Variants in SLC12A7 observed in about 807,000 individuals in gnomAD.
SLC12A7 encodes the protein K-Cl cotransporter 4.
A neutral mutation model predicts 120.6 loss-of-function variants in SLC12A7; 100 were observed. That is an observed-to-expected ratio of 0.83 (90% CI 0.71 to 0.98). The LOEUF (loss-of-function observed/expected upper bound fraction) is 0.98. Among genes scored for constraint, SLC12A7 ranks in the 50% least tolerant of loss-of-function variants. The pLI is 0.00. For synonymous variants in SLC12A7, 760 were observed against 678.0 expected (o/e 1.12, Z -1.88); for missense variants, 1,373 against 1,548.1 (o/e 0.89, Z 1.90).
In SLC12A7 at chr5:1,078,706, T is replaced by C. The variant is rs1200732301; in HGVS notation, c.1449A>G (p.Arg483=). 1.2e-6 allele frequency: 2 copies of C among 1,611,986 alleles called. No individual in the cohort carries two copies. The highest frequency in any genetic ancestry group is 1.7e-6 in the Non-Finnish European group (2 of 1,179,544). ...AACTGCAGGTGGAAACGTACTTATC[T>C]CGTAAGACCACGCCTTCAATGCAGG... ...FGACIEGVVL[R]DKFGEALQGN... is the part of the protein sequence containing the mutation. The change falls in exon 11 of 24, where the codon CGA becomes CGG. Residue 483 remains arginine, a synonymous_variant. Coordinates refer to ENST00000264930, the MANE Select transcript of SLC12A7 (RefSeq NM_006598.3).
In SLC12A7 at chr5:1,050,982, C is replaced by A. The variant is rs1272220016; in HGVS notation, c.*1378G>T. On this transcript the variant is annotated 3_prime_UTR_variant, in exon 24 of 24. Coordinates refer to ENST00000264930, the MANE Select transcript of SLC12A7 (RefSeq NM_006598.3). ...TAGCCCAAGGCCTGGCCATCTGGGG[C>A]CTCTAGTATATAGAAGCAACCTCTT... is the stretch of plus-strand genomic sequence containing the variant. The A allele has an allele frequency of 7.5e-6, 3 of 398,518 alleles. No homozygotes were observed. Among genetic ancestry groups the A allele is most frequent in the African/African-American group, 4.1e-5 (2 of 48,632 alleles). 24.7% of individuals were successfully genotyped at this position (398,518 alleles called of 1,614,324 possible).
the SLC12A7 span, among the ~76,000 whole-genome samples, chr5:1,136,394 T>G: frequency 1.5e-5 from 2 of 135,190 alleles, no homozygotes; most frequent in Non-Finnish European, 3.1e-5. Flanking sequence ...ACACGTGTGC[T>G]CAGACACCAA....
intron 21 of SLC12A7, among the ~76,000 whole-genome samples, chr5:1,058,442 T>C (rs10057983): frequency 0.94 from 143,001 of 152,316 alleles, 67,798 homozygotes; most frequent in East Asian, 1. Flanking sequence ...ATGCACACAC[T>C]GGAATGGCCA....
At chr5:1,141,711 G>A in the SLC12A7 span, among the ~76,000 whole-genome samples, 73 of 152,316 alleles carry the variant, frequency 4.8e-4, no homozygotes, top group African/African-American at 1.4e-3. Flanking sequence ...CTCAAGTGCC[G>A]ATAGCCACAT....
intron 3 of SLC12A7, among the ~76,000 whole-genome samples, chr5:1,091,796 G>A (rs576410543): frequency 2.6e-4 from 40 of 152,054 alleles, no homozygotes; most frequent in African/African-American, 8.7e-4. Context: ...GCTGAGCCCG[G>A]CAATGCCCAG....
At chr5:1,066,809 G>A (rs145274912) in intron 17 of SLC12A7, among the ~76,000 whole-genome samples, 5 of 152,250 alleles carry the variant, frequency 3.3e-5, no homozygotes, top group Admixed American at 2.6e-4. Context: ...GGATCCTCCC[G>A]GGAGACTCTG....
chr5:1,084,115 G>C (rs1182070409), intron 7 of SLC12A7, among the ~76,000 whole-genome samples, 159 bp from the exon 8 acceptor site: 2 of 152,094 alleles, frequency 1.3e-5, no homozygotes, highest in Admixed American at 6.5e-5. Flanking sequence ...GCCAGGGACC[G>C]GGCCCAGGCC....
At chr5:1,152,930 G>A in the SLC12A7 span, among the ~76,000 whole-genome samples, 1 of 152,232 alleles carries the variant, frequency 6.6e-6, no homozygotes, top group African/African-American at 2.4e-5. Flanking sequence ...CAAATGGCCC[G>A]CCTGGCATGC....
upstream of SLC12A7, among the ~76,000 whole-genome samples, chr5:1,116,714 T>G (rs1034331127): frequency 1.3e-5 from 2 of 152,164 alleles, no homozygotes; most frequent in Non-Finnish European, 2.9e-5. Context: ...ACTCAGAATC[T>G]CACACGGACG....
the SLC12A7 span, among the ~76,000 whole-genome samples, chr5:1,118,847 T>C: frequency 6.6e-6 from 1 of 152,144 alleles, no homozygotes. Flanking sequence ...CTTCCAAGGC[T>C]GTGGGAGGTG....
chr5:1,109,555 G>C (rs1349761902), intron 1 of SLC12A7, among the ~76,000 whole-genome samples: 1 of 152,246 alleles, frequency 6.6e-6, no homozygotes, highest in Non-Finnish European at 1.5e-5. Context: ...AGAAGCAGCA[G>C]GGAAGCTGCA....
intron 16 of SLC12A7, among the ~76,000 whole-genome samples, chr5:1,074,217 CCT>C (rs1255947667): frequency 2.6e-5 from 4 of 151,758 alleles, no homozygotes; most frequent in Admixed American, 1.3e-4. Flanking sequence ...CGCCGAGGCC[CCT>C]GAGGGGACAA....
chr5:1,120,697 G>A, the SLC12A7 span, among the ~76,000 whole-genome samples: 7 of 152,232 alleles, frequency 4.6e-5, no homozygotes, highest in African/African-American at 1.4e-4. Flanking sequence ...AGTGGGCGAC[G>A]GGCCACAGAT....
At chr5:1,053,236 T>A in intron 23 of SLC12A7, 113 bp downstream of exon 23, 1 of 1,367,174 alleles carries the variant, frequency 7.3e-7, no homozygotes, top group Non-Finnish European at 1.0e-6. Flanking sequence ...AGCCTGGGGC[T>A]GAAGGAGAGG....
At chr5:1,118,995 G>A in the SLC12A7 span, among the ~76,000 whole-genome samples, 1 of 152,272 alleles carries the variant, frequency 6.6e-6, no homozygotes, top group African/African-American at 2.4e-5. Context: ...TGTTCTGGGG[G>A]AGAGGGAGGG....
Position 1,087,032 on chromosome 5 carries a change from A to C in SLC12A7, c.546T>G (p.Ala182=). ...GCGATATCATGTAGTAGGACCCGCC[A>C]GCTGCGGAGACAAAGGCGGCAGCCG... ...SAIATNGVVP[A]GGSYYMISRS... Residue 182 remains alanine, a splice_region_variant and synonymous_variant, in exon 6 of 24, where the codon GCT becomes GCG. Coordinates refer to ENST00000264930, the MANE Select transcript of SLC12A7 (RefSeq NM_006598.3). 6.2e-7 allele frequency: 1 copy of C among 1,610,508 alleles called. No homozygotes were observed. The highest frequency in any genetic ancestry group is 8.5e-7 in the Non-Finnish European group (1 of 1,178,442).
chr5:1,059,100 T>C (rs1047818742), intron 21 of SLC12A7, among the ~76,000 whole-genome samples: 1 of 152,206 alleles, frequency 6.6e-6, no homozygotes, highest in Non-Finnish European at 1.5e-5. Flanking sequence ...CTGCCGGATC[T>C]CAGGGACCTG....
At chr5:1,081,815 C>G (rs1344198159) in intron 8 of SLC12A7, 71 bp from the exon 9 acceptor site, 1 of 1,546,156 alleles carries the variant, frequency 6.5e-7, no homozygotes, top group East Asian at 2.3e-5. Flanking sequence ...GGGCCGCCCA[C>G]TCCCCGGCAG....
chr5:1,106,957 G>A (rs1054874839), intron 1 of SLC12A7, among the ~76,000 whole-genome samples: 23 of 152,178 alleles, frequency 1.5e-4, no homozygotes, highest in African/African-American at 5.1e-4. Flanking sequence ...TCTGCTCGCC[G>A]GAGGCAAACG....
Sources: gnomAD v4.1 joint callset for allele counts (sites outside exome capture counted in the v4.1 genomes callset) on GRCh38, gnomAD v4.1.1 for gene constraint, MANE v1.5 for transcripts, NCBI Gene and HGNC (gene_info 2026-07-23, HGNC 2026-07-21) for gene names.